Variants in HEMK2 observed in about 807,000 individuals in gnomAD.
HEMK2 encodes methyltransferase HEMK2.
chr21:28,670,090 T>G, the HEMK2 span, among the ~76,000 whole-genome samples: 1 of 151,610 alleles, frequency 6.6e-6, no homozygotes, highest in Non-Finnish European at 1.5e-5. Context: ...ACAGCATCAT[T>G]TTTTTTTTCA....
chr21:28,760,341 T>A, the HEMK2 span, among the ~76,000 whole-genome samples: 1 of 152,220 alleles, frequency 6.6e-6, no homozygotes, highest in Non-Finnish European at 1.5e-5. Context: ...ACTTTTTCCA[T>A]AAATGGCTAT....
At chr21:28,630,025 G>A in the HEMK2 span, among the ~76,000 whole-genome samples, 2 of 151,936 alleles carry the variant, frequency 1.3e-5, no homozygotes, top group African/African-American at 2.4e-5. Context: ...TTGTGAGTAT[G>A]AGTATTACAA....
chr21:28,837,459 G>C, the HEMK2 span, among the ~76,000 whole-genome samples: 14 of 152,166 alleles, frequency 9.2e-5, no homozygotes, highest in Non-Finnish European at 2.1e-4. Context: ...GGTCAAAAAT[G>C]ATATTAAGAT....
At chr21:28,841,543 T>C in the HEMK2 span, among the ~76,000 whole-genome samples, 1 of 141,056 alleles carries the variant, frequency 7.1e-6, no homozygotes, top group African/African-American at 2.6e-5. Flanking sequence ...TGGAGACTGT[T>C]ATTCTAAGTG....
the HEMK2 span, among the ~76,000 whole-genome samples, chr21:28,854,898 CAAGTT>C: frequency 5.3e-5 from 8 of 152,184 alleles, no homozygotes; most frequent in Non-Finnish European, 1.0e-4. Flanking sequence ...TCAATCCAAT[CAAGTT>C]GACACTCAAT....
chr21:28,690,503 T>C, the HEMK2 span, among the ~76,000 whole-genome samples: 4 of 152,160 alleles, frequency 2.6e-5, no homozygotes, highest in South Asian at 8.3e-4. Context: ...GAAAATAAAT[T>C]GTGGTTTTTT....
chr21:28,685,826 C>A, the HEMK2 span, among the ~76,000 whole-genome samples: 5 of 152,030 alleles, frequency 3.3e-5, no homozygotes, highest in African/African-American at 1.2e-4. Flanking sequence ...ACAAAAAAAA[C>A]AGAAACAGGG....
the HEMK2 span, among the ~76,000 whole-genome samples, chr21:28,647,528 A>G: frequency 6.8e-6 from 1 of 147,594 alleles, no homozygotes; most frequent in Non-Finnish European, 1.5e-5. Flanking sequence ...AAAAAAAAGA[A>G]AAAGAAAGTA....
chr21:28,850,288 A>G, the HEMK2 span, among the ~76,000 whole-genome samples: 258 of 138,968 alleles, frequency 1.9e-3, 2 homozygotes, highest in African/African-American at 6.3e-3. Flanking sequence ...GCAGTGGCGC[A>G]ATCTCGGCTC....
At chr21:28,643,269 T>C in the HEMK2 span, among the ~76,000 whole-genome samples, 1 of 152,058 alleles carries the variant, frequency 6.6e-6, no homozygotes, top group Non-Finnish European at 1.5e-5. Context: ...TGGCAGGAGG[T>C]TGGGACTTCA....
the HEMK2 span, among the ~76,000 whole-genome samples, chr21:28,725,993 C>A: frequency 1.5e-4 from 23 of 151,776 alleles, no homozygotes; most frequent in South Asian, 6.2e-4. Context: ...CATCACTGTT[C>A]ACTTAACGAT....
chr21:28,717,591 T>C, the HEMK2 span, among the ~76,000 whole-genome samples: 84 of 151,208 alleles, frequency 5.6e-4, no homozygotes, highest in East Asian at 0.013. Context: ...GCAATTCTTC[T>C]GCCTCAGCCT....
chr21:28,805,039 C>A, the HEMK2 span, among the ~76,000 whole-genome samples: 297 of 152,280 alleles, frequency 2.0e-3, 4 homozygotes, highest in African/African-American at 7.0e-3. Context: ...TGTGTTTTAA[C>A]AAAATGTACT....
the HEMK2 span, among the ~76,000 whole-genome samples, chr21:28,629,211 G>A: frequency 9.2e-5 from 14 of 152,306 alleles, no homozygotes; most frequent in Middle Eastern, 0.01. Flanking sequence ...TGCATTTAGT[G>A]TGCTTGGATT....
the HEMK2 span, among the ~76,000 whole-genome samples, chr21:28,666,288 G>C: frequency 6.6e-6 from 1 of 152,170 alleles, no homozygotes; most frequent in Non-Finnish European, 1.5e-5. Context: ...ACTTTGGTGA[G>C]AAATTTACAG....
chr21:28,827,154 T>C, the HEMK2 span, among the ~76,000 whole-genome samples: 1 of 152,202 alleles, frequency 6.6e-6, no homozygotes, highest in Non-Finnish European at 1.5e-5. Context: ...CAAAGTCTAA[T>C]GGAACTGCTT....
chr21:28,802,981 T>C, the HEMK2 span, among the ~76,000 whole-genome samples: 1 of 152,198 alleles, frequency 6.6e-6, no homozygotes, highest in Non-Finnish European at 1.5e-5. Context: ...TCTCTTGTTA[T>C]AAACTTTTTA....
chr21:28,591,626 T>C, the HEMK2 span, among the ~76,000 whole-genome samples: 1 of 152,142 alleles, frequency 6.6e-6, no homozygotes, highest in Non-Finnish European at 1.5e-5. Flanking sequence ...GGGAGTTTGT[T>C]GTACAGATTT....
At chr21:28,792,857 C>T in the HEMK2 span, among the ~76,000 whole-genome samples, 1 of 152,120 alleles carries the variant, frequency 6.6e-6, no homozygotes, top group Non-Finnish European at 1.5e-5. Flanking sequence ...TCAGCATTTG[C>T]TCCCAATGCC....
Sources: gnomAD v4.1 joint callset for allele counts (sites outside exome capture counted in the v4.1 genomes callset) on GRCh38, gnomAD v4.1.1 for gene constraint, MANE v1.5 for transcripts, NCBI Gene and HGNC (gene_info 2026-07-23, HGNC 2026-07-21) for gene names.